ATG2B: variants seen among roughly 807,000 people sequenced by gnomAD.
The protein encoded by ATG2B is autophagy-related protein 2 homolog B.
Under a neutral mutation model 241.3 loss-of-function variants are expected in ATG2B, and 121 were observed. That is an observed-to-expected ratio of 0.50 (90% CI 0.43 to 0.58). The LOEUF (loss-of-function observed/expected upper bound fraction) is 0.58, where lower values mean the gene tolerates loss of function less well. ATG2B is among the 20% of genes least tolerant of loss of function. The pLI is 0.00. For missense variants in ATG2B, 2,306 were observed against 2,491.6 expected (o/e 0.93, Z 1.59); for synonymous variants, 858 against 876.6 (o/e 0.98, Z 0.37).
chr14:96,362,481 C>G (rs1169058617), intron 1 of ATG2B, among the ~76,000 whole-genome samples: 1 of 152,188 alleles, frequency 6.6e-6, no homozygotes, highest in South Asian at 2.1e-4. Context: ...CCACAAAACC[C>G]TGCGGCCCCT....
chr14:96,280,809 GA>G lies in ATG2B; in HGVS notation c.*4945del, dbSNP rs1886178993. On this transcript the variant is annotated 3_prime_UTR_variant, in exon 42 of 42. Coordinates refer to ENST00000359933, the MANE Select transcript of ATG2B (RefSeq NM_018036.7). ...AGGCAAGAGAATCGCTTGAACCCAG[GA>G]GGTGGAGGCTGCAGTGAGCTAAGAT... 1 of 152,226 alleles carries G rather than the reference GA, an allele frequency of 6.6e-6. No individual in the cohort carries two copies. The highest frequency in any genetic ancestry group is 2.1e-4 in the South Asian group (1 of 4,828). The allele number at this position is 152,226 out of a possible 1,614,324, so 9.4% of individuals were successfully genotyped here. A position where few individuals can be genotyped will look rare whatever the true frequency, so the allele number is the denominator to read the frequency against.
Position 96,345,254 on chromosome 14 carries a change from A to G in ATG2B, c.457T>C (p.Phe153Leu). The G allele has an allele frequency of 6.2e-7, 1 of 1,610,604 alleles. No individual in the cohort carries two copies. Among genetic ancestry groups the G allele is most frequent in the Non-Finnish European group, 8.5e-7 (1 of 1,178,910 alleles). The change falls in exon 3 of 42, where the codon TTT (phenylalanine) becomes CTT (leucine). Residue 153 changes from phenylalanine (F) to leucine (L), a missense_variant. This residue lies in a region of ATG2B where 1,927 missense variants were observed against 2,011.2 expected (regional missense o/e 0.96). Transcript: ENST00000359933. Reference sequence around the variant, plus strand: ...AAACCTGTTTCAATGGTTTCAGCAAACTTTTCAAGTCCTTCAAAAGGCTGG... The same window carrying G: ...AAACCTGTTTCAATGGTTTCAGCAAGCTTTTCAAGTCCTTCAAAAGGCTGG... ...GSQPFEGLEK[F>L]AETIETVLRR... is the part of the protein sequence containing the mutation.
intron 18 of ATG2B, among the ~76,000 whole-genome samples, chr14:96,319,399 A>C (rs2139867634): frequency 6.6e-6 from 1 of 152,350 alleles, no homozygotes; most frequent in Middle Eastern, 3.4e-3. Flanking sequence ...TGCTCAGTAC[A>C]TATTTAATGA....
At chr14:96,330,208 G>A (rs1443972572) in intron 11 of ATG2B, among the ~76,000 whole-genome samples, 1 of 151,558 alleles carries the variant, frequency 6.6e-6, no homozygotes, top group Non-Finnish European at 1.5e-5. Context: ...GAAAAAAAAA[G>A]GGGGGTGGAA....
rs757981223 is a variant in ATG2B, at chr14:96,345,372, C to T, written c.339G>A (p.Glu113=). 1.1e-5 allele frequency: 18 copies of T among 1,601,654 alleles called. No homozygotes were observed. In the African/African-American group the frequency reaches 1.8e-4, roughly 16 times the overall value. Residue 113 remains glutamate (E), a synonymous_variant, in exon 3 of 42, where the codon GAG becomes GAA. Transcript: ENST00000359933. The part of the protein sequence containing the change: ...RPRPRPATGS[E]PMYWSSFMTS... ...TCATAAAACTTGACCAATACATAGG[C>T]TCAGAACCAGTTGCTGTGGAAAATA...
At chr14:96,310,118 T>G (rs1047687663) in intron 28 of ATG2B, among the ~76,000 whole-genome samples, 2 of 152,160 alleles carry the variant, frequency 1.3e-5, no homozygotes, top group African/African-American at 4.8e-5. Context: ...AACTGTAGAT[T>G]CATTAAACCC....
intron 34 of ATG2B, among the ~76,000 whole-genome samples, chr14:96,300,516 GGC>G (rs1465595397): frequency 5.3e-5 from 8 of 152,228 alleles, no homozygotes; most frequent in Admixed American, 1.3e-4. Context: ...GAGACACTGT[GGC>G]GGGGGAAGAA....
intron 7 of ATG2B, 122 bp downstream of exon 7, chr14:96,334,283 C>A: frequency 3.1e-6 from 2 of 653,144 alleles, no homozygotes; most frequent in Non-Finnish European, 5.2e-6. Flanking sequence ...TTCTTATTTG[C>A]TTCTTTCAAT....
intron 6 of ATG2B, among the ~76,000 whole-genome samples, chr14:96,340,101 A>ATCATATAT (rs1491413324): frequency 1.8e-5 from 2 of 112,578 alleles, no homozygotes; most frequent in East Asian, 2.5e-4. Context: ...TATGCTATAT[A>ATCATATAT]GAATATATGA....
chr14:96,287,260 A>T (rs1886361590), intron 41 of ATG2B, among the ~76,000 whole-genome samples: 1 of 151,426 alleles, frequency 6.6e-6, no homozygotes, highest in Non-Finnish European at 1.5e-5. Flanking sequence ...TCTCAAAAAA[A>T]AAAAAAAAAA....
At chr14:96,320,419 T>C (rs1479151307) in intron 18 of ATG2B, among the ~76,000 whole-genome samples, 1 of 152,142 alleles carries the variant, frequency 6.6e-6, no homozygotes, top group East Asian at 1.9e-4. Flanking sequence ...AAAAAATTTT[T>C]TTCACTTCAC....
intron 1 of ATG2B, among the ~76,000 whole-genome samples, chr14:96,354,231 C>A (rs1203353591): frequency 2.0e-5 from 3 of 152,174 alleles, no homozygotes; most frequent in South Asian, 4.2e-4. Context: ...CAGATCATCC[C>A]ATCACTTAGT....
intron 6 of ATG2B, among the ~76,000 whole-genome samples, chr14:96,335,809 T>C (rs1887855296): frequency 6.6e-6 from 1 of 152,244 alleles, no homozygotes; most frequent in South Asian, 2.1e-4. Context: ...ACAATTGTTG[T>C]ACTGAAAGCA....
rs1595290466 is a variant in ATG2B at position 96,289,571 on chromosome 14, C to T, written c.6006+85G>A. The T allele has an allele frequency of 6.7e-7, 1 of 1,503,060 alleles. No homozygotes were observed. Among genetic ancestry groups the T allele is most frequent in the Non-Finnish European group, 9.1e-7 (1 of 1,100,966 alleles). The allele number at this position is 1,503,060 out of a possible 1,614,324, so 93.1% of individuals were successfully genotyped here. ...TGCTCCCAGGGATTTCTACAGAATACATTTAAGCCATTAAATGCTCTTTAG... is the reference window on the plus strand; with the variant it reads ...TGCTCCCAGGGATTTCTACAGAATATATTTAAGCCATTAAATGCTCTTTAG... On this transcript the variant is annotated intron_variant, in intron 41 of 41. Coordinates refer to ENST00000359933, the MANE Select transcript of ATG2B (RefSeq NM_018036.7). The surrounding 1 kb of genome is among the most constrained non-coding windows in gnomAD (Gnocchi z 4.3).
intron 33 of ATG2B, 150 bp from the exon 34 acceptor site, chr14:96,302,258 CA>C: frequency 3.3e-6 from 2 of 604,982 alleles, no homozygotes; most frequent in Non-Finnish European, 5.7e-6. Flanking sequence ...AAGTCTGAAT[CA>C]AACATTTTTG....
In ATG2B at chr14:96,295,565, A is replaced by T. The variant is rs1252453252; in HGVS notation, c.5140-5T>A. On this transcript the variant is annotated splice_polypyrimidine_tract_variant and splice_region_variant and intron_variant, in intron 34 of 41. Transcript: ENST00000359933. ...CTTCAGGAAGAACAAAGCATCCTAA[A>T]ATTAAGAGATGTAATTTTAACTAAG... is the stretch of plus-strand genomic sequence containing the variant. The T allele has an allele frequency of 1.3e-6, 2 of 1,581,050 alleles. No homozygotes were observed. Among genetic ancestry groups the T allele is most frequent in the Non-Finnish European group, 1.7e-6 (2 of 1,164,210 alleles).
At position 96,325,697 on chromosome 14, in the gene ATG2B, A is replaced by T; in HGVS notation, c.2389T>A (p.Ser797Thr). ...TCCAATTTAATTTGTTCTGGGGTTG[A>T]TCCTCCTATAAATTCAGTCTTAAAT... ...LEFKTEFIGG[S>T]TPEQIKLELT... The change falls in exon 15 of 42, where the codon TCA (serine) becomes ACA (threonine). Residue 797 changes from serine to threonine, a missense_variant. By Grantham distance (58) the Ser-to-Thr change is moderately conservative. Around this residue, in one of 2 missense-constraint regions of ATG2B, gnomAD observed 1,927 missense variants for 2,011.2 expected, o/e 0.96. Transcript: ENST00000359933. The T allele has an allele frequency of 6.2e-7, 1 of 1,613,754 alleles. No homozygotes were observed. The highest frequency in any genetic ancestry group is 8.5e-7 in the Non-Finnish European group (1 of 1,179,906).
chr14:96,340,794 T>C (rs1888011774), intron 6 of ATG2B, among the ~76,000 whole-genome samples: 1 of 151,978 alleles, frequency 6.6e-6, no homozygotes, highest in African/African-American at 2.4e-5. Flanking sequence ...GGCATGTGCC[T>C]GTAGCCCCAG....
rs1362423781 is a variant in ATG2B at position 96,282,933 on chromosome 14, T to G, written c.*2822A>C. The G allele has an allele frequency of 6.6e-6, 1 of 152,236 alleles. No homozygotes were observed. Among genetic ancestry groups the G allele is most frequent in the Non-Finnish European group, 1.5e-5 (1 of 68,042 alleles). 9.4% of individuals were successfully genotyped at this position (152,236 alleles called of 1,614,324 possible). A position where few individuals can be genotyped will look rare whatever the true frequency, so the allele number is the denominator to read the frequency against. ...TTAAGTGAACTTTGCCTTATAAAAA[T>G]ATTGATAAATATATGTACTTAAGCG... On this transcript the variant is annotated 3_prime_UTR_variant, in exon 42 of 42. Transcript: ENST00000359933.
Sources: gnomAD v4.1 joint callset for allele counts (sites outside exome capture counted in the v4.1 genomes callset) on GRCh38, gnomAD v4.1.1 for gene constraint, gnomAD v4.1.1 regional missense constraint, Gnocchi (gnomAD v3.1) non-coding constraint, MANE v1.5 for transcripts, NCBI Gene and HGNC (gene_info 2026-07-23, HGNC 2026-07-21) for gene names.